The following EFTUD2 variants were observed in gnomAD, a reference collection of about 807,000 sequenced individuals.
EFTUD2 encodes 116 kDa U5 small nuclear ribonucleoprotein component.
Under a neutral mutation model 114.3 loss-of-function variants are expected in EFTUD2, and 9 were observed. The observed-to-expected ratio is 0.08, with a 90% CI of 0.05 to 0.14. EFTUD2 has a LOEUF of 0.14. Ranked by LOEUF, EFTUD2 falls within the 10% of genes least tolerant of loss-of-function variation. The pLI is 1.00. For missense variants in EFTUD2, 765 were observed against 1,241.2 expected, an observed-to-expected ratio of 0.62 and a Z score of 5.76; for synonymous variants, 449 against 462.3, an observed-to-expected ratio of 0.97 and a Z score of 0.37.
intron 1 of EFTUD2, among the ~76,000 whole-genome samples, chr17:44,897,396 G>A (rs1294135399): frequency 6.6e-6 from 1 of 152,026 alleles, no homozygotes; most frequent in Non-Finnish European, 1.5e-5. Flanking sequence ...GGCAAGAACA[G>A]TACAAATAAC....
At position 44,859,769 on chromosome 17, in the gene EFTUD2, A is replaced by G. The variant is rs1597794879; in HGVS notation, c.1860+136T>C. ...TGTCCTGCCTTGACATGACAGCCAT[A>G]GGCTGGGCTTGCTCCTGACACAGCT... On this transcript the variant is annotated intron_variant, in intron 18 of 27. Transcript: ENST00000426333. The G allele has an allele frequency of 2.1e-6, 3 of 1,401,258 alleles. No homozygotes were observed. In the East Asian group the frequency reaches 7.3e-5, roughly 34 times the overall value. 86.8% of individuals were successfully genotyped at this position (1,401,258 alleles called of 1,614,324 possible).
At chr17:44,870,465 A>G (rs2050828428) in intron 11 of EFTUD2, among the ~76,000 whole-genome samples, 1 of 152,214 alleles carries the variant, frequency 6.6e-6, no homozygotes. Context: ...TGTGAAAAAC[A>G]CAGATTACAT....
At position 44,872,465 on chromosome 17, in the gene EFTUD2, C is replaced by G. The variant is rs1479469530; in HGVS notation, c.975G>C (p.Lys325Asn). Residue 325 changes from lysine to asparagine, a missense_variant, in exon 11 of 28, where the codon AAG becomes AAC. Physicochemically the swap from Lys to Asn is moderately conservative, Grantham distance 94. Around this residue, in one of 6 missense-constraint regions of EFTUD2, gnomAD observed 251 missense variants for 357.7 expected, o/e 0.70. Transcript: ENST00000426333. ...GCTTACCAAAGGTGTCGGCATAGAT[C>G]TTGGCAAAGGAGCCCAGCGTGAAGC... ...SICFTLGSFAKIYADTFGDIN... is the reference protein window; with the variant it reads ...SICFTLGSFANIYADTFGDIN... 1 of 1,613,202 alleles carries G rather than the reference C, an allele frequency of 6.2e-7. No individual in the cohort carries two copies.
At chr17:44,881,626 A>G (rs956994693) in intron 7 of EFTUD2, 61 bp downstream of exon 7, 9 of 1,580,004 alleles carry the variant, frequency 5.7e-6, no homozygotes, top group Non-Finnish European at 7.0e-6. Flanking sequence ...TACATTCCCT[A>G]CAAAACTATT....
At chr17:44,895,024 G>T (rs1359972238) in intron 1 of EFTUD2, among the ~76,000 whole-genome samples, 1 of 152,266 alleles carries the variant, frequency 6.6e-6, no homozygotes, top group East Asian at 1.9e-4. Flanking sequence ...TTAGTGTAAG[G>T]GTGGGCAAAC....
At chr17:44,859,029 C>T in intron 19 of EFTUD2, 51 bp downstream of exon 19, 2 of 1,226,582 alleles carry the variant, frequency 1.6e-6, no homozygotes, top group Non-Finnish European at 2.4e-6. Flanking sequence ...GATTTGGTCA[C>T]TTGTGAAAAG....
chr17:44,879,083 T>C (rs1285457759), intron 9 of EFTUD2, among the ~76,000 whole-genome samples: 1 of 152,168 alleles, frequency 6.6e-6, no homozygotes, highest in East Asian at 1.9e-4. Context: ...CCCACATTGA[T>C]AATTTTTTTC....
At chr17:44,885,389 C>T (rs1274032371) in intron 3 of EFTUD2, 55 bp from the exon 4 acceptor site, 9 of 1,184,268 alleles carry the variant, frequency 7.6e-6, no homozygotes, top group African/African-American at 1.5e-5. Flanking sequence ...CATAAAAATA[C>T]GGAACACTAT....
Position 44,894,479 on chromosome 17 carries a change from G to A in EFTUD2, c.43C>T (p.Pro15Ser). 1.2e-6 allele frequency: 2 copies of A among 1,614,064 alleles called. No individual in the cohort carries two copies. The highest frequency in any genetic ancestry group is 8.5e-7 in the Non-Finnish European group (1 of 1,179,978). Residue 15 changes from proline (P) to serine (S), a missense_variant, in exon 2 of 28, where the codon CCA becomes TCA. Physicochemically the swap from Pro to Ser is moderately conservative, Grantham distance 74 (BLOSUM62 -1). Transcript: ENST00000426333. ...TCATCTTCATCAGAATCAAGCTCTG[G>A]TCCAATATAATTCCCAAACTCATCA... ...LYDEFGNYIG[P>S]ELDSDEDDDE...
chr17:44,868,175 A>T lies in EFTUD2; in HGVS notation c.1058+112T>A, dbSNP rs1022498357. Reference sequence around the variant, plus strand: ...GGAGGAAAGACGGTAGTTTACATTAAAAAAAAAAAAAAAAGTAGGTATTTA... The same window carrying T: ...GGAGGAAAGACGGTAGTTTACATTATAAAAAAAAAAAAAAGTAGGTATTTA... On this transcript the variant is annotated intron_variant, in intron 12 of 27. Transcript: ENST00000426333. 14,187 of 567,084 alleles carry T rather than the reference A, an allele frequency of 0.025. 7 individuals are homozygous for T. Among genetic ancestry groups the T allele is most frequent in the East Asian group, 0.059 (967 of 16,450 alleles). The allele number at this position is 567,084 out of a possible 1,614,324, so 35.1% of individuals were successfully genotyped here.
intron 2 of EFTUD2, 195 bp downstream of exon 2, chr17:44,894,222 T>C (rs1485377995): frequency 3.9e-6 from 2 of 518,668 alleles, no homozygotes; most frequent in Non-Finnish European, 6.9e-6. Flanking sequence ...AAAAAAAAAT[T>C]AGCTGGGCAT....
intron 15 of EFTUD2, 113 bp from the exon 16 acceptor site, chr17:44,863,019 G>C: frequency 1.2e-6 from 1 of 865,050 alleles, no homozygotes; most frequent in East Asian, 2.6e-5. Context: ...GCTAGAGAAA[G>C]ATGAGGTAGT....
intron 11 of EFTUD2, among the ~76,000 whole-genome samples, chr17:44,870,077 A>G (rs545749426): frequency 2.2e-3 from 331 of 152,294 alleles, no homozygotes; most frequent in Non-Finnish European, 2.6e-3. Flanking sequence ...CGACTCAATG[A>G]TCTCTTCAAT....
At chr17:44,892,957 A>T (rs2051309113) in intron 2 of EFTUD2, among the ~76,000 whole-genome samples, 1 of 152,168 alleles carries the variant, frequency 6.6e-6, no homozygotes, top group Non-Finnish European at 1.5e-5. Context: ...AGAAAAAAAA[A>T]TGCTGGTTTA....
intron 2 of EFTUD2, 77 bp from the exon 3 acceptor site, chr17:44,886,827 A>G: frequency 1.3e-6 from 2 of 1,529,960 alleles, no homozygotes; most frequent in Non-Finnish European, 1.8e-6. Context: ...TCCGTGAGTG[A>G]CAGCACTGAC....
rs752121790 is a variant in EFTUD2, at chr17:44,857,080, A to G, written c.2040T>C (p.Asn680=). Reference sequence around the variant, plus strand: ...ACACTGTGCTCCCAGCTTACTTCTTATTAGGCGTTTCAGCAAAGCACTTGA... The same window carrying G: ...ACACTGTGCTCCCAGCTTACTTCTTGTTAGGCGTTTCAGCAAAGCACTTGA... ...SSLKCFAETP[N]KKNKITMIAE... Residue 680 remains asparagine (N), a synonymous_variant, in exon 20 of 28, where the codon AAT becomes AAC. Coordinates refer to ENST00000426333, the MANE Select transcript of EFTUD2 (RefSeq NM_004247.4). 1.9e-6 allele frequency: 3 copies of G among 1,613,836 alleles called. No individual in the cohort carries two copies. Among genetic ancestry groups the G allele is most frequent in the Admixed American group, 1.7e-5 (1 of 60,022 alleles).
Position 44,869,681 on chromosome 17 carries a change from T to C in EFTUD2, c.995-1331A>G, listed in dbSNP as rs111778010. On this transcript the variant is annotated intron_variant, in intron 11 of 27. Coordinates refer to ENST00000426333, the MANE Select transcript of EFTUD2 (RefSeq NM_004247.4). ...CTAACACCACCTGCCTCTATGCCTC[T>C]TTCTCCAGCCCTGCAAGTCTGGAAT... Among the ~76,000 whole-genome samples, 342 of 152,296 alleles carry C rather than the reference T, an allele frequency of 2.2e-3. 3 individuals are homozygous for C. The highest frequency in any genetic ancestry group is 7.6e-3 in the African/African-American group (315 of 41,570).
chr17:44,872,248 A>C (rs1183148258), intron 11 of EFTUD2, among the ~76,000 whole-genome samples, 198 bp downstream of exon 11: 1 of 152,086 alleles, frequency 6.6e-6, no homozygotes, highest in Non-Finnish European at 1.5e-5. Flanking sequence ...ATTCACTTTT[A>C]TTTTTCTATT....
intron 9 of EFTUD2, among the ~76,000 whole-genome samples, chr17:44,879,127 C>G (rs1008421986): frequency 4.6e-5 from 7 of 152,094 alleles, no homozygotes; most frequent in Non-Finnish European, 1.0e-4. Context: ...ACTCTAGCAC[C>G]CAGGCTGGAG....
Sources: allele counts gnomAD v4.1 joint callset (sites outside exome capture counted in the v4.1 genomes callset), GRCh38; gene constraint gnomAD v4.1.1; regional missense constraint gnomAD v4.1.1; transcripts MANE v1.5; gene names NCBI Gene and HGNC (gene_info 2026-07-23, HGNC 2026-07-21).